Variants in FOXP1 observed in about 807,000 individuals in gnomAD.
FOXP1 encodes the protein forkhead box protein P1.
A neutral mutation model predicts 98.2 loss-of-function variants in FOXP1; 15 were observed. The ratio of observed to expected loss-of-function variants is 0.15; its 90% CI spans 0.10 to 0.24. The LOEUF (loss-of-function observed/expected upper bound fraction) is 0.24. FOXP1 is among the 10% of genes least tolerant of loss of function. The pLI is 1.00. For missense variants in FOXP1, 633 were observed against 848.5 expected, an observed-to-expected ratio of 0.75 and a Z score of 3.15; for synonymous variants, 371 against 314.5, an observed-to-expected ratio of 1.18 and a Z score of -1.90.
chr3:71,381,008 A>G (rs936838393), intron 3 of FOXP1, among the ~76,000 whole-genome samples: 3 of 152,352 alleles, frequency 2.0e-5, no homozygotes, highest in African/African-American at 7.2e-5. Flanking sequence ...AATTTTGGAA[A>G]TAAGAGTAGC....
intron 6 of FOXP1, among the ~76,000 whole-genome samples, chr3:71,182,156 G>A (rs1014339653): frequency 1.6e-4 from 25 of 152,154 alleles, no homozygotes; most frequent in African/African-American, 5.8e-4. Context: ...ATGAGTAGTG[G>A]TTGTCAAATT....
Position 71,581,563 on chromosome 3 carries a change from G to T in FOXP1, c.-312C>A. On this transcript the variant is annotated 5_prime_UTR_variant, in exon 2 of 21. Transcript: ENST00000649528. ...CCTCGACTTACCCGCGGAGTCCGGG[G>T]AGGGAGTAGGAGCGCCGCCTTCACG... is the stretch of plus-strand genomic sequence containing the variant. The T allele has an allele frequency of 3.0e-6, 3 of 985,456 alleles. No homozygotes were observed. Among genetic ancestry groups the T allele is most frequent in the South Asian group, 9.4e-5 (2 of 21,298 alleles). The allele number at this position is 985,456 out of a possible 1,614,324, so 61.0% of individuals were successfully genotyped here. A position where few individuals can be genotyped will look rare whatever the true frequency, so the allele number is the denominator to read the frequency against.
chr3:71,348,552 T>C (rs59996336), intron 4 of FOXP1, among the ~76,000 whole-genome samples: 60,144 of 141,286 alleles, frequency 0.43, 13,559 homozygotes, highest in East Asian at 0.72. Context: ...TGTGTGTGCG[T>C]GCGCGCGCGC....
intron 3 of FOXP1, among the ~76,000 whole-genome samples, chr3:71,375,027 T>C (rs757277318): frequency 6.6e-6 from 1 of 152,178 alleles, no homozygotes; most frequent in Admixed American, 6.5e-5. Context: ...TTATTCTAGA[T>C]TTTCTACTCT....
intron 6 of FOXP1, among the ~76,000 whole-genome samples, chr3:71,152,418 G>C (rs1030770150): frequency 6.6e-6 from 1 of 152,206 alleles, no homozygotes; most frequent in Non-Finnish European, 1.5e-5. Context: ...TGTGTTGTTT[G>C]AAGCTATTAA....
chr3:71,209,480 C>T (rs985904346), intron 5 of FOXP1, among the ~76,000 whole-genome samples: 24 of 152,320 alleles, frequency 1.6e-4, no homozygotes, highest in African/African-American at 5.5e-4. Flanking sequence ...GCATTCTCAA[C>T]TACTCTGCAA....
chr3:71,201,664 T>G (rs886905312), intron 5 of FOXP1, among the ~76,000 whole-genome samples: 1 of 151,654 alleles, frequency 6.6e-6, no homozygotes, highest in African/African-American at 2.4e-5. Context: ...AAAAAAGAAT[T>G]ATAGGAAAAG....
chr3:71,322,648 G>A (rs1292875015), intron 4 of FOXP1, among the ~76,000 whole-genome samples: 1 of 152,170 alleles, frequency 6.6e-6, no homozygotes, highest in Non-Finnish European at 1.5e-5. Flanking sequence ...TCCAGGAGGG[G>A]TAAACTATTC....
At chr3:71,074,638 G>T (rs182111850) in intron 7 of FOXP1, among the ~76,000 whole-genome samples, 72 of 152,264 alleles carry the variant, frequency 4.7e-4, no homozygotes, top group Non-Finnish European at 2.9e-5. Flanking sequence ...ACTAGGCTTG[G>T]GGGTAAAACT....
intron 5 of FOXP1, among the ~76,000 whole-genome samples, chr3:71,285,979 T>C (rs779701705): frequency 6.6e-6 from 1 of 152,214 alleles, no homozygotes; most frequent in Non-Finnish European, 1.5e-5. Flanking sequence ...GAGAAACGTG[T>C]TGTTAGGCGA....
At chr3:71,266,136 T>C (rs746387228) in intron 5 of FOXP1, among the ~76,000 whole-genome samples, 4 of 151,910 alleles carry the variant, frequency 2.6e-5, no homozygotes, top group Non-Finnish European at 4.4e-5. Flanking sequence ...AGAAAGAGAG[T>C]ACATAGGTGT....
At chr3:71,035,122 G>T (rs959253203) in intron 11 of FOXP1, among the ~76,000 whole-genome samples, 1 of 152,162 alleles carries the variant, frequency 6.6e-6, no homozygotes, top group African/African-American at 2.4e-5. Context: ...TGCAGGTCTG[G>T]GGCAGGGCCA....
chr3:71,443,431 C>T (rs951103737), intron 3 of FOXP1, among the ~76,000 whole-genome samples: 11 of 152,180 alleles, frequency 7.2e-5, no homozygotes, highest in East Asian at 1.9e-4. Flanking sequence ...AGGACATGGG[C>T]ACGTATTCCG....
intron 5 of FOXP1, among the ~76,000 whole-genome samples, chr3:71,203,746 A>C (rs188654678): frequency 2.2e-4 from 34 of 152,220 alleles, no homozygotes; most frequent in African/African-American, 7.0e-4. Flanking sequence ...TTTGTAAAAT[A>C]TGTTTCTATT....
At chr3:71,427,702 A>G (rs1269753433) in intron 3 of FOXP1, among the ~76,000 whole-genome samples, 2 of 152,240 alleles carry the variant, frequency 1.3e-5, no homozygotes, top group Non-Finnish European at 2.9e-5. Context: ...CGATGGACGG[A>G]AGTCACAGGA....
chr3:71,232,877 C>CCAAAAAAA (rs1553791711), intron 5 of FOXP1, among the ~76,000 whole-genome samples: 1 of 31,422 alleles, frequency 3.2e-5, no homozygotes, highest in African/African-American at 1.1e-4. Context: ...AACTCTGTCT[C>CCAAAAAAA]AAAAAAAAAA....
At chr3:71,280,321 CT>C (rs145186097) in intron 5 of FOXP1, among the ~76,000 whole-genome samples, 4 of 147,810 alleles carry the variant, frequency 2.7e-5, no homozygotes, top group South Asian at 2.1e-4. Context: ...TTTACAATAT[CT>C]TTTTTTTTTA....
At chr3:71,389,412 T>C (rs1232485578) in intron 3 of FOXP1, among the ~76,000 whole-genome samples, 1 of 152,178 alleles carries the variant, frequency 6.6e-6, no homozygotes, top group East Asian at 1.9e-4. Flanking sequence ...AGCAGGTTTA[T>C]GACTGCTTTG....
At chr3:71,336,440 C>T (rs1354875302) in intron 4 of FOXP1, among the ~76,000 whole-genome samples, 2 of 151,840 alleles carry the variant, frequency 1.3e-5, no homozygotes, top group Admixed American at 6.6e-5. Flanking sequence ...CTCCACCCCC[C>T]GATAGGCCCC....
Sources: allele counts gnomAD v4.1 joint callset (sites outside exome capture counted in the v4.1 genomes callset), GRCh38; gene constraint gnomAD v4.1.1; transcripts MANE v1.5; gene names NCBI Gene and HGNC (gene_info 2026-07-23, HGNC 2026-07-21).